SMIM20: variants seen among roughly 807,000 people sequenced by gnomAD.
SMIM20 encodes the protein small integral membrane protein 20.
A neutral mutation model predicts 8.7 loss-of-function variants in SMIM20; 3 were observed. The observed-to-expected ratio is 0.34, with a 90% CI of 0.16 to 0.89. The LOEUF (loss-of-function observed/expected upper bound fraction) is 0.89. Ranked by LOEUF, SMIM20 falls within the 40% of genes least tolerant of loss-of-function variation. The pLI is 0.49. For missense variants in SMIM20, 85 were observed against 84.8 expected (o/e 1.00, Z -0.01); for synonymous variants, 44 against 33.6 (o/e 1.31, Z -1.07).
In SMIM20 at chr4:25,922,175, G is replaced by T. The variant is rs145067223; in HGVS notation, c.110-6138G>T. Among the ~76,000 whole-genome samples, 400 of 152,248 alleles carry T rather than the reference G, an allele frequency of 2.6e-3. 6 individuals are homozygous for T. Among genetic ancestry groups the T allele is most frequent in the African/African-American group, 9.0e-3 (375 of 41,542 alleles). ...AGGAGAATGGCAAAGTTTCCAGCAGGTCACAGGGTCTGGGAAGAGTTTTCT... is the reference window on the plus strand; with the variant it reads ...AGGAGAATGGCAAAGTTTCCAGCAGTTCACAGGGTCTGGGAAGAGTTTTCT... On this transcript the variant is annotated intron_variant, in intron 1 of 2. Transcript: ENST00000506197.
At chr4:25,926,089 T>C (rs996332309) in intron 1 of SMIM20, among the ~76,000 whole-genome samples, 5 of 152,208 alleles carry the variant, frequency 3.3e-5, no homozygotes, top group African/African-American at 4.8e-5. Context: ...GGTAATAAGT[T>C]TATCCTGATT....
intron 1 of SMIM20, among the ~76,000 whole-genome samples, chr4:25,925,058 T>A (rs1392295496): frequency 6.6e-6 from 1 of 152,178 alleles, no homozygotes; most frequent in Non-Finnish European, 1.5e-5. Flanking sequence ...CCCCAAGATA[T>A]CTTGTTATAT....
At chr4:25,915,864 G>GGGGGGGGC in intron 1 of SMIM20, among the ~76,000 whole-genome samples, 1 of 126,654 alleles carries the variant, frequency 7.9e-6, no homozygotes, top group Non-Finnish European at 1.7e-5. Flanking sequence ...TGGGGCGGGG[G>GGGGGGGGC]GGGGGTCGAG....
chr4:25,923,823 A>AT (rs1409628613), intron 1 of SMIM20, among the ~76,000 whole-genome samples: 1 of 152,228 alleles, frequency 6.6e-6, no homozygotes, highest in Non-Finnish European at 1.5e-5. Flanking sequence ...CTTTCACCAC[A>AT]TAATCGAATG....
chr4:25,915,632 G>A (rs974152341), intron 1 of SMIM20, among the ~76,000 whole-genome samples: 4 of 152,188 alleles, frequency 2.6e-5, no homozygotes, highest in Non-Finnish European at 5.9e-5. Context: ...AAGGTGGGCT[G>A]TGTGAAGCCC....
At chr4:25,917,676 A>G (rs1352330676) in intron 1 of SMIM20, among the ~76,000 whole-genome samples, 2 of 152,220 alleles carry the variant, frequency 1.3e-5, no homozygotes, top group African/African-American at 4.8e-5. Context: ...ACCAAACAGC[A>G]TGGTCAGTCA....
In SMIM20 at chr4:25,914,233, G is replaced by T. The variant is rs1456164440; in HGVS notation, c.-81G>T. On this transcript the variant is annotated 5_prime_UTR_variant, in exon 1 of 3. Transcript: ENST00000506197. ...AAGCCTCTCCACCTCTTCCGAGCGG[G>T]GTCACGGCCCGGCCGTCGGTAACCT... The T allele has an allele frequency of 6.6e-7, 1 of 1,504,916 alleles. No homozygotes were observed. Among genetic ancestry groups the T allele is most frequent in the East Asian group, 2.5e-5 (1 of 40,220 alleles). 93.2% of individuals were successfully genotyped at this position (1,504,916 alleles called of 1,614,324 possible). A position where few individuals can be genotyped will look rare whatever the true frequency, so the allele number is the denominator to read the frequency against.
intron 1 of SMIM20, among the ~76,000 whole-genome samples, chr4:25,914,656 C>T (rs1719044365): frequency 6.6e-6 from 1 of 152,216 alleles, no homozygotes; most frequent in Non-Finnish European, 1.5e-5. Flanking sequence ...AATGCCGAGC[C>T]TCCTGTGAGA....
intron 1 of SMIM20, among the ~76,000 whole-genome samples, chr4:25,919,643 C>T (rs562207190): frequency 5.9e-5 from 9 of 152,292 alleles, no homozygotes; most frequent in South Asian, 4.1e-4. Flanking sequence ...CCACTGCACC[C>T]GGCCTTCTGT....
intron 1 of SMIM20, among the ~76,000 whole-genome samples, chr4:25,915,559 C>T (rs896684705): frequency 6.6e-6 from 1 of 152,160 alleles, no homozygotes. Flanking sequence ...TTTCATTAGC[C>T]AAGACTGAAA....
At chr4:25,926,890 G>A (rs1711524672) in intron 1 of SMIM20, among the ~76,000 whole-genome samples, 1 of 152,134 alleles carries the variant, frequency 6.6e-6, no homozygotes, top group African/African-American at 2.4e-5. Flanking sequence ...ATGACTGTGG[G>A]CTTTTACATG....
At chr4:25,914,541 C>T in intron 1 of SMIM20, 119 bp downstream of exon 1, 2 of 989,002 alleles carry the variant, frequency 2.0e-6, no homozygotes, top group African/African-American at 1.7e-5. Flanking sequence ...GAGCCGGGTT[C>T]GAATCCTGCC....
intron 1 of SMIM20, 128 bp from the exon 2 acceptor site, chr4:25,928,185 T>C: frequency 1.2e-6 from 1 of 832,114 alleles, no homozygotes; most frequent in East Asian, 2.8e-5. Context: ...CATAATAGCG[T>C]ATCTGAATTT....
At chr4:25,914,444 G>C (rs1651985348) in intron 1 of SMIM20, 22 bp downstream of exon 1, 2 of 1,444,146 alleles carry the variant, frequency 1.4e-6, no homozygotes, top group South Asian at 1.5e-5. Context: ...CTAACCCCTT[G>C]CGGTGACCTG....
chr4:25,917,942 T>G (rs1007470188), intron 1 of SMIM20, among the ~76,000 whole-genome samples: 43 of 144,796 alleles, frequency 3.0e-4, no homozygotes, highest in African/African-American at 5.6e-4. Flanking sequence ...AGTTTTTTTT[T>G]TTTGTTTTTT....
At chr4:25,927,898 G>T (rs1374758933) in intron 1 of SMIM20, among the ~76,000 whole-genome samples, 1 of 152,198 alleles carries the variant, frequency 6.6e-6, no homozygotes, top group African/African-American at 2.4e-5. Flanking sequence ...CTAGTCCTTT[G>T]GTGGAGTGCA....
chr4:25,915,853 A>AAGGGGGGGGGGGG (rs1719078032), intron 1 of SMIM20, among the ~76,000 whole-genome samples: 4 of 10,186 alleles, frequency 3.9e-4, no homozygotes, highest in African/African-American at 2.0e-3. Context: ...ACAACTTGGG[A>AAGGGGGGGGGGGG]TGGGGCGGGG....
chr4:25,915,854 T>TGGGTG (rs1719078732), intron 1 of SMIM20, among the ~76,000 whole-genome samples: 1 of 18,976 alleles, frequency 5.3e-5, no homozygotes. Context: ...CAACTTGGGA[T>TGGGTG]GGGGCGGGGG....
rs1272828692 is a variant in SMIM20 at position 25,927,085 on chromosome 4, G to C, written c.110-1228G>C. On this transcript the variant is annotated intron_variant, in intron 1 of 2. Transcript: ENST00000506197. ...CCACTCTAAATGGAAGAAATCTTTT[G>C]ATATATCTTGAGAGAATCTTGGTTG... Among the ~76,000 whole-genome samples, 4 of 152,308 alleles carry C rather than the reference G, an allele frequency of 2.6e-5. No homozygotes were observed. In the East Asian group the frequency reaches 7.7e-4, roughly 29 times the overall value.
Sources: allele counts gnomAD v4.1 joint callset (sites outside exome capture counted in the v4.1 genomes callset), GRCh38; gene constraint gnomAD v4.1.1; transcripts MANE v1.5; gene names NCBI Gene and HGNC (gene_info 2026-07-23, HGNC 2026-07-21).